Variants in DCLK2 observed in about 807,000 individuals in gnomAD.
The protein encoded by DCLK2 is doublecortin like kinase 2.
Under a neutral mutation model 78.4 loss-of-function variants are expected in DCLK2, and 31 were observed. The ratio of observed to expected loss-of-function variants is 0.40; its 90% CI spans 0.30 to 0.53. The LOEUF is 0.53. Ranked by LOEUF, DCLK2 falls within the 20% of genes least tolerant of loss-of-function variation. The pLI is 0.61. For missense variants in DCLK2, 872 were observed against 973.7 expected (o/e 0.90, Z 1.39); for synonymous variants, 407 against 374.9 (o/e 1.09, Z -0.99).
intron 7 of DCLK2, among the ~76,000 whole-genome samples, chr4:150,222,695 A>C (rs911045948): frequency 6.6e-6 from 1 of 151,090 alleles, no homozygotes; most frequent in Admixed American, 6.6e-5. Flanking sequence ...AAAACAAGAC[A>C]AACAAAAAAA....
At chr4:150,246,957 C>T (rs17688421) in intron 12 of DCLK2, among the ~76,000 whole-genome samples, 16,552 of 152,002 alleles carry the variant, frequency 0.11, 1,230 homozygotes, top group South Asian at 0.32. Flanking sequence ...AGTCAGTTTC[C>T]AAGAGTGAAC....
chr4:150,159,314 A>G (rs1405526049), intron 2 of DCLK2, among the ~76,000 whole-genome samples: 1 of 152,180 alleles, frequency 6.6e-6, no homozygotes, highest in Non-Finnish European at 1.5e-5. Flanking sequence ...CCCTCTATGC[A>G]CATACACACA....
intron 2 of DCLK2, among the ~76,000 whole-genome samples, chr4:150,167,060 C>G (rs753290081): frequency 6.6e-6 from 1 of 152,080 alleles, no homozygotes; most frequent in South Asian, 2.1e-4. Flanking sequence ...CGAGGTAATT[C>G]TCTTTGATAT....
At chr4:150,242,774 A>AC (rs1743022913) in intron 12 of DCLK2, among the ~76,000 whole-genome samples, 1 of 152,252 alleles carries the variant, frequency 6.6e-6, no homozygotes, top group Non-Finnish European at 1.5e-5. Context: ...GCCGTTAAGC[A>AC]AATCAAGTCA....
chr4:150,177,304 T>C (rs1025136894), intron 2 of DCLK2, among the ~76,000 whole-genome samples: 3 of 152,210 alleles, frequency 2.0e-5, no homozygotes, highest in Non-Finnish European at 4.4e-5. Context: ...TAAAATGCTT[T>C]TTTTTCCGAG....
intron 4 of DCLK2, among the ~76,000 whole-genome samples, chr4:150,202,357 A>G (rs1739523100): frequency 6.6e-6 from 1 of 152,238 alleles, no homozygotes; most frequent in African/African-American, 2.4e-5. Context: ...AATCTAGATC[A>G]CTGACCATTA....
chr4:150,138,923 C>T (rs1733906653), intron 2 of DCLK2, among the ~76,000 whole-genome samples: 1 of 151,914 alleles, frequency 6.6e-6, no homozygotes, highest in South Asian at 2.1e-4. Flanking sequence ...CTTGGCCTCC[C>T]AAAGTGCTGG....
At chr4:150,134,880 G>A (rs547938536) in intron 2 of DCLK2, among the ~76,000 whole-genome samples, 2 of 151,894 alleles carry the variant, frequency 1.3e-5, no homozygotes, top group African/African-American at 4.8e-5. Context: ...ATTCCTTGCA[G>A]TGTTCCATTT....
chr4:150,109,348 T>C (rs74918103), intron 2 of DCLK2, among the ~76,000 whole-genome samples: 22 of 152,082 alleles, frequency 1.4e-4, no homozygotes, highest in African/African-American at 4.6e-4. Flanking sequence ...TTTTTTTTTT[T>C]TCTCTGAGAC....
intron 10 of DCLK2, among the ~76,000 whole-genome samples, chr4:150,234,831 C>T (rs530723826): frequency 2.6e-4 from 40 of 152,004 alleles, no homozygotes; most frequent in Non-Finnish European, 5.9e-4. Context: ...GTAAACCGAG[C>T]CTCAGGAGGA....
intron 2 of DCLK2, among the ~76,000 whole-genome samples, chr4:150,132,178 C>A (rs1733360306): frequency 6.6e-6 from 1 of 151,620 alleles, no homozygotes; most frequent in Non-Finnish European, 1.5e-5. Context: ...TTCACATACC[C>A]CTGCCAACCA....
At chr4:150,203,931 T>C (rs1211483465) in intron 5 of DCLK2, 42 bp downstream of exon 5, 6 of 1,551,194 alleles carry the variant, frequency 3.9e-6, no homozygotes, top group Non-Finnish European at 5.3e-6. Flanking sequence ...GATTTTGTTA[T>C]TTAGAGTTTC....
At chr4:150,161,207 GAGT>G (rs1735683290) in intron 2 of DCLK2, among the ~76,000 whole-genome samples, 1 of 152,188 alleles carries the variant, frequency 6.6e-6, no homozygotes, top group African/African-American at 2.4e-5. Context: ...ATGTAAATCA[GAGT>G]AGAATTGCCC....
At chr4:150,216,146 A>G (rs1025879998) in intron 5 of DCLK2, among the ~76,000 whole-genome samples, 3 of 152,194 alleles carry the variant, frequency 2.0e-5, no homozygotes, top group South Asian at 2.1e-4. Flanking sequence ...TTAAATTTCA[A>G]ATTTGAAGAA....
intron 2 of DCLK2, among the ~76,000 whole-genome samples, chr4:150,127,624 T>G (rs1017975064): frequency 1.3e-5 from 2 of 152,188 alleles, no homozygotes; most frequent in African/African-American, 2.4e-5. Flanking sequence ...AAAAATACAG[T>G]AGCAATTCTG....
intron 12 of DCLK2, among the ~76,000 whole-genome samples, chr4:150,243,223 T>C (rs1351511830): frequency 6.6e-6 from 1 of 152,218 alleles, no homozygotes; most frequent in Non-Finnish European, 1.5e-5. Context: ...TAAGTTTAGC[T>C]AATCAAAAGC....
chr4:150,199,282 C>A (rs1440938661), intron 4 of DCLK2, among the ~76,000 whole-genome samples: 1 of 152,170 alleles, frequency 6.6e-6, no homozygotes, highest in Non-Finnish European at 1.5e-5. Flanking sequence ...CAGAAGATTA[C>A]CAAGTGCCTG....
At chr4:150,155,834 A>G (rs1338963758) in intron 2 of DCLK2, among the ~76,000 whole-genome samples, 1 of 152,156 alleles carries the variant, frequency 6.6e-6, no homozygotes, top group Non-Finnish European at 1.5e-5. Flanking sequence ...CGGGAAGCCT[A>G]CAGGAAGGTT....
chr4:150,221,827 TA>T, intron 7 of DCLK2, 42 bp downstream of exon 7: 1 of 1,272,078 alleles, frequency 7.9e-7, no homozygotes, highest in Non-Finnish European at 1.1e-6. Flanking sequence ...ATGAAAATGA[TA>T]AATAATGAAA....
Sources: gnomAD v4.1 joint callset for allele counts (sites outside exome capture counted in the v4.1 genomes callset) on GRCh38, gnomAD v4.1.1 for gene constraint, MANE v1.5 for transcripts, NCBI Gene and HGNC (gene_info 2026-07-23, HGNC 2026-07-21) for gene names.